The following ITFG1 variants were observed in gnomAD, a reference collection of about 807,000 sequenced individuals.
The protein encoded by ITFG1 is T-cell immunomodulatory protein.
Under a neutral mutation model 81.8 loss-of-function variants are expected in ITFG1, and 34 were observed. The observed-to-expected ratio is 0.42, with a 90% CI of 0.32 to 0.55. The LOEUF is 0.55. ITFG1 is among the 20% of genes least tolerant of loss of function. The pLI is 0.17. For missense variants in ITFG1, 672 were observed against 755.4 expected, an observed-to-expected ratio of 0.89 and a Z score of 1.29; for synonymous variants, 285 against 270.6, an observed-to-expected ratio of 1.05 and a Z score of -0.52.
intron 14 of ITFG1, among the ~76,000 whole-genome samples, chr16:47,193,953 T>G (rs1380109840): frequency 6.6e-6 from 1 of 152,118 alleles, no homozygotes; most frequent in Non-Finnish European, 1.5e-5. Flanking sequence ...AGAATATGAG[T>G]TTTTCCTCAA....
chr16:47,163,246 T>C (rs1329244874), intron 14 of ITFG1, among the ~76,000 whole-genome samples: 2 of 152,214 alleles, frequency 1.3e-5, no homozygotes, highest in Non-Finnish European at 2.9e-5. Flanking sequence ...CTTAGAACAT[T>C]TTTATCACTT....
chr16:47,181,971 T>C (rs915017280), intron 14 of ITFG1, among the ~76,000 whole-genome samples: 9 of 152,144 alleles, frequency 5.9e-5, no homozygotes, highest in African/African-American at 2.2e-4. Context: ...GTTAAACAGA[T>C]GCTTGAAGGC....
intron 8 of ITFG1, among the ~76,000 whole-genome samples, chr16:47,342,540 C>CAAAG (rs556833960): frequency 6.6e-6 from 1 of 151,876 alleles, no homozygotes; most frequent in African/African-American, 2.4e-5. Context: ...ATAAAAATTG[C>CAAAG]AAAGAAAGAA....
chr16:47,181,342 G>A (rs1254837326), intron 14 of ITFG1, among the ~76,000 whole-genome samples: 1 of 151,434 alleles, frequency 6.6e-6, no homozygotes, highest in East Asian at 2.0e-4. Flanking sequence ...GCCCCGTCCG[G>A]GAGGGAGGTG....
In ITFG1 at chr16:47,205,174, T is replaced by A. The variant is rs143868737; in HGVS notation, c.1453+13694A>T. 1.8e-3 allele frequency among the ~76,000 whole-genome samples: 267 copies of A among 152,334 alleles called. 2 individuals are homozygous for A. The highest frequency in any genetic ancestry group is 6.1e-3 in the African/African-American group (253 of 41,588). On this transcript the variant is annotated intron_variant, in intron 14 of 17. Transcript: ENST00000320640. ...TTTGTGATATTTGTGAGTTTTATAG[T>A]CTACATCAGGATTTCTCAAGTCAGC...
In ITFG1 at chr16:47,162,536, T is replaced by C; in HGVS notation, c.1578+4A>G. 3 of 1,593,478 alleles carry C rather than the reference T, an allele frequency of 1.9e-6. No homozygotes were observed. Among genetic ancestry groups the C allele is most frequent in the South Asian group, 1.2e-5 (1 of 86,250 alleles). On this transcript the variant is annotated splice_donor_region_variant and intron_variant, in intron 15 of 17. Transcript: ENST00000320640. Reference sequence around the variant, plus strand: ...AATTGTAAACAAAATGAATTTTTACTCACTTTTTCTCCAGATGGACGGGGA... The same window carrying C: ...AATTGTAAACAAAATGAATTTTTACCCACTTTTTCTCCAGATGGACGGGGA...
chr16:47,317,323 G>C (rs1296217829), intron 8 of ITFG1, among the ~76,000 whole-genome samples: 1 of 152,042 alleles, frequency 6.6e-6, no homozygotes, highest in Non-Finnish European at 1.5e-5. Context: ...CATAAAAATG[G>C]ATTACAATGA....
chr16:47,430,416 T>A (rs1277255977), intron 5 of ITFG1, among the ~76,000 whole-genome samples: 1 of 152,134 alleles, frequency 6.6e-6, no homozygotes, highest in African/African-American at 2.4e-5. Context: ...TTAAGTCCAA[T>A]ATATCAATTT....
At chr16:47,298,586 C>T (rs1218004354) in intron 10 of ITFG1, among the ~76,000 whole-genome samples, 2 of 152,128 alleles carry the variant, frequency 1.3e-5, no homozygotes, top group African/African-American at 2.4e-5. Context: ...TTAAAAATAG[C>T]TTTAATGTGG....
At chr16:47,180,028 A>G (rs1165065350) in intron 14 of ITFG1, among the ~76,000 whole-genome samples, 2 of 152,226 alleles carry the variant, frequency 1.3e-5, no homozygotes, top group East Asian at 3.9e-4. Flanking sequence ...TGTGGTAGAC[A>G]GAAAGAAGTT....
At chr16:47,426,108 T>G (rs1969017882) in intron 6 of ITFG1, 1 of 152,150 alleles carries the variant, frequency 6.6e-6, no homozygotes. Context: ...ACTGTCTTTA[T>G]GCTTCCAAAT....
intron 1 of ITFG1, among the ~76,000 whole-genome samples, chr16:47,460,096 T>C (rs1445288957): frequency 6.6e-6 from 1 of 152,306 alleles, no homozygotes; most frequent in African/African-American, 2.4e-5. Context: ...GCAAAGAATT[T>C]CCAAGAACAA....
chr16:47,195,174 C>T (rs1489351495), intron 14 of ITFG1, among the ~76,000 whole-genome samples: 1 of 151,898 alleles, frequency 6.6e-6, no homozygotes, highest in Non-Finnish European at 1.5e-5. Flanking sequence ...CTTATTTAAC[C>T]TCATCTCTTC....
chr16:47,263,764 CATAA>C (rs1204224223), intron 10 of ITFG1, among the ~76,000 whole-genome samples: 6 of 152,124 alleles, frequency 3.9e-5, no homozygotes, highest in Non-Finnish European at 7.4e-5. Context: ...TACATACATA[CATAA>C]ATAAATGAAT....
rs368998889 is a variant in ITFG1, at chr16:47,226,302, G to A, written c.1375-7356C>T. 4.6e-5 allele frequency among the ~76,000 whole-genome samples: 7 copies of A among 152,244 alleles called. No homozygotes were observed. The East Asian group carries it at 1.2e-3, about 25-fold the overall frequency. On this transcript the variant is annotated intron_variant, in intron 13 of 17. Coordinates refer to ENST00000320640, the MANE Select transcript of ITFG1 (RefSeq NM_030790.5). ...TGGGCTCACTGCAACCTCCGCCTCCGGGGTTCAAGCAAGTCTTCTGCCTCA... is the reference window on the plus strand; with the variant it reads ...TGGGCTCACTGCAACCTCCGCCTCCAGGGTTCAAGCAAGTCTTCTGCCTCA...
intron 10 of ITFG1, 89 bp downstream of exon 10, chr16:47,311,147 ATATT>A: frequency 1.3e-6 from 1 of 798,018 alleles, no homozygotes; most frequent in Non-Finnish European, 1.9e-6. Flanking sequence ...AGATTATAAC[ATATT>A]TAGGTACTAT....
At chr16:47,322,829 T>C (rs1324742301) in intron 8 of ITFG1, among the ~76,000 whole-genome samples, 1 of 152,220 alleles carries the variant, frequency 6.6e-6, no homozygotes, top group Non-Finnish European at 1.5e-5. Flanking sequence ...TTTCCAAGTA[T>C]ATATTGTTAT....
chr16:47,351,721 C>T (rs1376568895), intron 8 of ITFG1, among the ~76,000 whole-genome samples: 2 of 4,828 alleles, frequency 4.1e-4, no homozygotes, highest in South Asian at 0.022. Context: ...CTTTAAAGTT[C>T]ATACGGAACC....
At position 47,181,551 on chromosome 16, in the gene ITFG1, TGG is replaced by T. The variant is rs369861987; in HGVS notation, c.1454-18889_1454-18888del. Among the ~76,000 whole-genome samples the T allele has an allele frequency of 4.6e-4, 42 of 90,494 alleles. 3 individuals carry two copies. Among genetic ancestry groups the T allele is most frequent in the African/African-American group, 1.7e-3 (40 of 23,394 alleles). 59.4% of individuals were successfully genotyped at this position (90,494 alleles called of 152,430 possible). On this transcript the variant is annotated intron_variant, in intron 14 of 17. Transcript: ENST00000320640. ...CCAGCCTCCCCGTCTGGCAGGGAGG[TGG>T]GGGGGGGTCAGCCCCCCCGCCCGGC... is the stretch of plus-strand genomic sequence containing the variant.
Sources: gnomAD v4.1 joint callset for allele counts (sites outside exome capture counted in the v4.1 genomes callset) on GRCh38, gnomAD v4.1.1 for gene constraint, MANE v1.5 for transcripts, NCBI Gene and HGNC (gene_info 2026-07-23, HGNC 2026-07-21) for gene names.